GDAP1: variants seen among roughly 807,000 people sequenced by gnomAD.
The protein encoded by GDAP1 is ganglioside induced differentiation associated protein 1.
Under a neutral mutation model 40.1 loss-of-function variants are expected in GDAP1, and 34 were observed. The ratio of observed to expected loss-of-function variants is 0.85; its 90% CI spans 0.64 to 1.13. GDAP1 has a LOEUF of 1.13. Ranked by LOEUF, GDAP1 falls within the 50% of genes most tolerant of loss-of-function variation. The probability of loss-of-function intolerance (pLI) is 0.00; values close to 1 mark genes in which losing one functional copy is unlikely to be tolerated. For synonymous variants in GDAP1, 170 were observed against 157.4 expected, an observed-to-expected ratio of 1.08 and a Z score of -0.60; for missense variants, 374 against 433.7, an observed-to-expected ratio of 0.86 and a Z score of 1.22.
At chr8:74,427,701 G>A (rs1385304758) in intron 2 of GDAP1, among the ~76,000 whole-genome samples, 1 of 152,036 alleles carries the variant, frequency 6.6e-6, no homozygotes, top group African/African-American at 2.4e-5. Context: ...TAAAAATGTA[G>A]ACTGTTACTC....
At chr8:74,372,265 A>G (rs1809767418) in intron 2 of GDAP1, among the ~76,000 whole-genome samples, 1 of 152,246 alleles carries the variant, frequency 6.6e-6, no homozygotes, top group East Asian at 1.9e-4. Flanking sequence ...ATGATTTATA[A>G]TCCTTTGGGT....
rs1809382633 is a variant in GDAP1, at chr8:74,361,895, AAC to A, written c.500_501del (p.Thr167ArgfsTer3). On this transcript the variant is annotated frameshift_variant, in exon 4 of 6. Transcript: ENST00000220822. LOFTEE classifies it high-confidence loss of function. ...GTTTTTATTATCAGGCCAAATTGGAAACACAGAGTCTGAGCTGAAGAAACTTG... is the reference window on the plus strand; with the variant it reads ...GTTTTTATTATCAGGCCAAATTGGAAACAGAGTCTGAGCTGAAGAAACTTG... Reference protein sequence around the residue: ...ATTRIRSQIGNTESELKKLAE... With the variant: ...ATTRIRSQIGXTESELKKLAE... 1.9e-6 allele frequency: 3 copies of A among 1,594,294 alleles called. No homozygotes were observed. The highest frequency in any genetic ancestry group is 1.3e-5 in the African/African-American group (1 of 74,724).
chr8:74,423,119 A>T (rs1183913644), intron 2 of GDAP1, among the ~76,000 whole-genome samples: 1 of 147,432 alleles, frequency 6.8e-6, no homozygotes, highest in Non-Finnish European at 1.5e-5. Flanking sequence ...CAATGATAAC[A>T]TCATCAATTC....
intron 2 of GDAP1, among the ~76,000 whole-genome samples, chr8:74,479,699 C>A (rs559874320): frequency 1.7e-4 from 26 of 152,312 alleles, no homozygotes; most frequent in African/African-American, 6.0e-4. Flanking sequence ...TGTGTGTAGC[C>A]AGCTGGTAGG....
chr8:74,429,669 C>A (rs1282723306), intron 2 of GDAP1, among the ~76,000 whole-genome samples: 1 of 152,098 alleles, frequency 6.6e-6, no homozygotes, highest in Admixed American at 6.5e-5. Flanking sequence ...TAGGACCCAC[C>A]CATAAGGCCT....
At chr8:74,436,690 G>A (rs1471650441) in intron 2 of GDAP1, among the ~76,000 whole-genome samples, 1 of 151,170 alleles carries the variant, frequency 6.6e-6, no homozygotes. Flanking sequence ...CCAAAGTGCT[G>A]GGATTATAGG....
intron 2 of GDAP1, among the ~76,000 whole-genome samples, chr8:74,386,634 G>A (rs1202558977): frequency 6.6e-6 from 1 of 152,128 alleles, no homozygotes; most frequent in African/African-American, 2.4e-5. Context: ...CTCTAGGTTT[G>A]TTGCTTTTGC....
chr8:74,416,201 T>C (rs534978710), intron 2 of GDAP1, among the ~76,000 whole-genome samples: 1 of 150,006 alleles, frequency 6.7e-6, no homozygotes, highest in Admixed American at 6.6e-5. Context: ...AGCCAGAGTG[T>C]GGACTTGCCC....
At chr8:74,465,925 T>A (rs987863584) in intron 2 of GDAP1, among the ~76,000 whole-genome samples, 7 of 152,208 alleles carry the variant, frequency 4.6e-5, no homozygotes, top group Non-Finnish European at 8.8e-5. Context: ...ACTTATTAGC[T>A]ATTTTTAAAA....
At chr8:74,488,775 G>A (rs541169424) in exon 3 of GDAP1, 7 of 152,146 alleles carry the variant, frequency 4.6e-5, no homozygotes, top group Non-Finnish European at 8.8e-5. Flanking sequence ...TGTATCAATA[G>A]CAGAGCTGAT....
At chr8:74,449,048 G>A (rs1806266351) in intron 2 of GDAP1, among the ~76,000 whole-genome samples, 1 of 151,770 alleles carries the variant, frequency 6.6e-6, no homozygotes, top group African/African-American at 2.4e-5. Flanking sequence ...GAGGCTCCAA[G>A]GTTTAATTTT....
chr8:74,356,699 T>TGA (rs1809112085), intron 2 of GDAP1, among the ~76,000 whole-genome samples: 1 of 86,826 alleles, frequency 1.2e-5, no homozygotes, highest in South Asian at 3.6e-4. Flanking sequence ...TGTTTGTGTG[T>TGA]GTGTATATAT....
At chr8:74,421,201 A>G (rs1169337188) in intron 2 of GDAP1, among the ~76,000 whole-genome samples, 2 of 152,214 alleles carry the variant, frequency 1.3e-5, no homozygotes, top group Non-Finnish European at 2.9e-5. Context: ...AGGAGGCAGT[A>G]ATAAACCTTG....
At chr8:74,464,982 G>C (rs1806450025) in intron 2 of GDAP1, among the ~76,000 whole-genome samples, 1 of 152,122 alleles carries the variant, frequency 6.6e-6, no homozygotes, top group South Asian at 2.1e-4. Context: ...CACTTTGGGA[G>C]GCCAAGGCGG....
chr8:74,445,031 T>C (rs926189149), intron 2 of GDAP1, among the ~76,000 whole-genome samples: 2 of 152,204 alleles, frequency 1.3e-5, no homozygotes, highest in Non-Finnish European at 1.5e-5. Context: ...TCATAACAAA[T>C]AGTTCTTTGT....
intron 2 of GDAP1, among the ~76,000 whole-genome samples, chr8:74,422,205 TTCTC>T (rs1208277764): frequency 6.6e-6 from 1 of 151,078 alleles, no homozygotes; most frequent in Non-Finnish European, 1.5e-5. Flanking sequence ...TCTTCTTTCT[TTCTC>T]TCTCTTCTTT....
intron 2 of GDAP1, among the ~76,000 whole-genome samples, chr8:74,477,294 G>A (rs1476872393): frequency 2.6e-5 from 4 of 152,040 alleles, no homozygotes; most frequent in African/African-American, 4.8e-5. Context: ...CATTGTTATT[G>A]TTTCAGCCAT....
chr8:74,373,364 C>T (rs1485052133), intron 2 of GDAP1, among the ~76,000 whole-genome samples: 2 of 152,138 alleles, frequency 1.3e-5, no homozygotes, highest in Non-Finnish European at 2.9e-5. Flanking sequence ...GCCATTTTCA[C>T]GATATTGATT....
intron 2 of GDAP1, among the ~76,000 whole-genome samples, chr8:74,471,624 C>T (rs1806557715): frequency 6.6e-6 from 1 of 152,030 alleles, no homozygotes; most frequent in Non-Finnish European, 1.5e-5. Context: ...GAGACCATTA[C>T]CAAAATCAGG....
Sources: allele counts gnomAD v4.1 joint callset (sites outside exome capture counted in the v4.1 genomes callset), GRCh38; gene constraint gnomAD v4.1.1; transcripts MANE v1.5; gene names NCBI Gene and HGNC (gene_info 2026-07-23, HGNC 2026-07-21).